TRAK2: variants seen among roughly 807,000 people sequenced by gnomAD.
The protein encoded by TRAK2 is trafficking kinesin-binding protein 2.
A neutral mutation model predicts 104.6 loss-of-function variants in TRAK2; 81 were observed. The ratio of observed to expected loss-of-function variants is 0.77; its 90% CI spans 0.65 to 0.93. The LOEUF is 0.93. TRAK2 is among the 40% of genes least tolerant of loss of function. The pLI, the probability that TRAK2 is intolerant of heterozygous loss-of-function variation, is 0.00. For missense variants in TRAK2, 1,002 were observed against 1,089.0 expected (o/e 0.92, Z 1.12); for synonymous variants, 406 against 394.4 (o/e 1.03, Z -0.35).
At chr2:201,412,848 T>G in intron 2 of TRAK2, 1 of 837,734 alleles carries the variant, frequency 1.2e-6, no homozygotes, top group East Asian at 2.4e-5. Context: ...GCAAACCACA[T>G]TTGGTTTCTA....
intron 2 of TRAK2, chr2:201,413,389 C>T (rs1016586535): frequency 3.2e-6 from 2 of 615,816 alleles, no homozygotes; most frequent in Admixed American, 3.0e-5. Context: ...TTCCCCACCC[C>T]CCTAAACACA....
chr2:201,417,169 AG>A (rs1445060163), intron 2 of TRAK2, among the ~76,000 whole-genome samples: 10 of 148,560 alleles, frequency 6.7e-5, no homozygotes, highest in African/African-American at 2.5e-4. Flanking sequence ...CCAAACACAG[AG>A]AAAGGCATAC....
intron 1 of TRAK2, among the ~76,000 whole-genome samples, chr2:201,435,931 T>G (rs560381409): frequency 6.6e-6 from 1 of 152,154 alleles, no homozygotes; most frequent in African/African-American, 2.4e-5. Flanking sequence ...CTTCCCCATA[T>G]GAAACCTTCA....
intron 10 of TRAK2, among the ~76,000 whole-genome samples, chr2:201,391,908 C>T (rs1278971873): frequency 6.6e-6 from 1 of 152,122 alleles, no homozygotes; most frequent in African/African-American, 2.4e-5. Flanking sequence ...TCAATGTATC[C>T]TTTGAAGGAC....
At chr2:201,394,950 A>C (rs1951487649) in intron 8 of TRAK2, 78 bp from the exon 9 acceptor site, 1 of 1,260,916 alleles carries the variant, frequency 7.9e-7, no homozygotes, top group East Asian at 2.5e-5. Context: ...AAGACATGTG[A>C]AGAATTTCTC....
rs960841748 is a variant in TRAK2 at position 201,386,291 on chromosome 2, C to A, written c.1890G>T (p.Glu630Asp). ...TTACTGGCTTGGATGTTGAAAGTTTCTCTTCCACTTCAAGAGGTTGCTGAA... is the reference window on the plus strand; with the variant it reads ...TTACTGGCTTGGATGTTGAAAGTTTATCTTCCACTTCAAGAGGTTGCTGAA... ...FQVQQPLEVE[E>D]KLSTSKPVTG... Residue 630 changes from glutamate (E) to aspartate (D), a missense_variant, in exon 14 of 16, where the codon GAG becomes GAT. Glu to Asp is a conservative substitution (Grantham distance 45). Transcript: ENST00000332624. 1.9e-6 allele frequency: 3 copies of A among 1,613,972 alleles called. No homozygotes were observed. Among genetic ancestry groups the A allele is most frequent in the African/African-American group, 2.7e-5 (2 of 74,924 alleles).
intron 1 of TRAK2, among the ~76,000 whole-genome samples, chr2:201,446,619 T>G (rs564036844): frequency 5.9e-5 from 9 of 152,344 alleles, no homozygotes; most frequent in African/African-American, 2.2e-4. Context: ...GAACACAGAC[T>G]CTAAAGACAG....
intron 1 of TRAK2, among the ~76,000 whole-genome samples, chr2:201,448,261 T>C (rs1013851050): frequency 6.6e-6 from 1 of 152,238 alleles, no homozygotes; most frequent in Non-Finnish European, 1.5e-5. Context: ...AAATGTTAGA[T>C]TACAGATTTT....
chr2:201,399,233 ATTAGT>A (rs1334581879), intron 5 of TRAK2, 139 bp downstream of exon 5: 9 of 561,936 alleles, frequency 1.6e-5, no homozygotes, highest in Non-Finnish European at 2.9e-5. Context: ...TTCTCTACTG[ATTAGT>A]TTAATGGACA....
chr2:201,405,851 G>GC (rs1037656014), intron 3 of TRAK2, among the ~76,000 whole-genome samples: 2 of 151,902 alleles, frequency 1.3e-5, no homozygotes, highest in Non-Finnish European at 2.9e-5. Context: ...GCATAGTGGC[G>GC]CCCGCCTATA....
chr2:201,387,643 C>T lies in TRAK2; in HGVS notation c.1696+60G>A, dbSNP rs1012109100. ...ATAATTAAGACACAAATCTCAATTC[C>T]AGGGAAAGGAACTTCCAGTAAGTCA... On this transcript the variant is annotated intron_variant, in intron 13 of 15. Transcript: ENST00000332624. 5.9e-5 allele frequency: 86 copies of T among 1,464,944 alleles called. 1 individual carries two copies. In the South Asian group the frequency reaches 6.5e-4, roughly 11 times the overall value. The allele number at this position is 1,464,944 out of a possible 1,614,324, so 90.7% of individuals were successfully genotyped here. A position where few individuals can be genotyped will look rare whatever the true frequency, so the allele number is the denominator to read the frequency against.
intron 2 of TRAK2, among the ~76,000 whole-genome samples, chr2:201,410,050 C>A (rs551662606): frequency 2.0e-5 from 3 of 152,238 alleles, no homozygotes; most frequent in Non-Finnish European, 4.4e-5. Context: ...GTAATCCCAG[C>A]ACTCTGGGAG....
rs537308574 is a variant in TRAK2 at position 201,430,572 on chromosome 2, C to T, written c.-199-9866G>A. On this transcript the variant is annotated intron_variant, in intron 1 of 15. Transcript: ENST00000332624. ...GCTCGCTGCCACCTTACAGTTCGATCTTGGACTGCTGTGCTAGCCGTGACC... is the reference window on the plus strand; with the variant it reads ...GCTCGCTGCCACCTTACAGTTCGATTTTGGACTGCTGTGCTAGCCGTGACC... 6.1e-4 allele frequency among the ~76,000 whole-genome samples: 93 copies of T among 152,352 alleles called. 1 individual carries two copies. Among genetic ancestry groups the T allele is most frequent in the African/African-American group, 2.2e-3 (92 of 41,586 alleles).
intron 1 of TRAK2, among the ~76,000 whole-genome samples, chr2:201,443,456 T>C (rs747340418): frequency 5.3e-5 from 8 of 152,220 alleles, no homozygotes; most frequent in Non-Finnish European, 8.8e-5. Flanking sequence ...GTTAGTGTTT[T>C]CCAGAGTTCC....
rs141508518 is a variant in TRAK2 at position 201,388,568 on chromosome 2, T to C, written c.1398-567A>G. On this transcript the variant is annotated intron_variant, in intron 12 of 15. Coordinates refer to ENST00000332624, the MANE Select transcript of TRAK2 (RefSeq NM_015049.3). ...ATATAATACTGCATTTTTATAGTTG[T>C]CTGATGCCCATTTTTTGACTTCAAC... Among the ~76,000 whole-genome samples the C allele has an allele frequency of 3.9e-4, 60 of 152,350 alleles. No individual in the cohort carries two copies. In the East Asian group the frequency reaches 0.011, roughly 27 times the overall value.
Position 201,420,629 on chromosome 2 carries a change from G to T in TRAK2, c.-122C>A. 1.3e-6 allele frequency: 1 copy of T among 742,400 alleles called. No homozygotes were observed. Among genetic ancestry groups the T allele is most frequent in the Non-Finnish European group, 2.3e-6 (1 of 439,394 alleles). 46.0% of individuals were successfully genotyped at this position (742,400 alleles called of 1,614,324 possible). On this transcript the variant is annotated 5_prime_UTR_variant, in exon 2 of 16. It adds an upstream start codon to the 5' untranslated region. Coordinates refer to ENST00000332624, the MANE Select transcript of TRAK2 (RefSeq NM_015049.3). The stretch of plus-strand genomic sequence containing the variant: ...TCACATGGATATTTTCTTTTAGACA[G>T]ATTTTCTCTGATGAGTCAAATGACA...
At chr2:201,442,016 C>A (rs1951928711) in intron 1 of TRAK2, among the ~76,000 whole-genome samples, 1 of 151,570 alleles carries the variant, frequency 6.6e-6, no homozygotes, top group African/African-American at 2.4e-5. Flanking sequence ...TCTAAACCAA[C>A]AAACTTCCTT....
intron 15 of TRAK2, among the ~76,000 whole-genome samples, chr2:201,382,056 G>C (rs1303237989): frequency 1.3e-5 from 2 of 152,180 alleles, no homozygotes; most frequent in African/African-American, 4.8e-5. Flanking sequence ...TATAGCCCCA[G>C]CTGGGTTATT....
chr2:201,397,358 T>G, intron 7 of TRAK2, 144 bp downstream of exon 7: 2 of 559,704 alleles, frequency 3.6e-6, no homozygotes, highest in Admixed American at 3.3e-5. Context: ...GTAGGCTCAA[T>G]GTGATATTCT....
Sources: allele counts gnomAD v4.1 joint callset (sites outside exome capture counted in the v4.1 genomes callset), GRCh38; gene constraint gnomAD v4.1.1; transcripts MANE v1.5; gene names NCBI Gene and HGNC (gene_info 2026-07-23, HGNC 2026-07-21).